Variants in ATXN7 observed in about 807,000 individuals in gnomAD.
ATXN7 encodes ataxin-7.
ATXN7 carries 12 observed loss-of-function variants against 70.5 expected under a neutral mutation model. The observed-to-expected ratio is 0.17, with a 90% CI of 0.11 to 0.28. ATXN7 has a LOEUF of 0.28. Among genes scored for constraint, ATXN7 ranks in the 10% least tolerant of loss-of-function variants. ATXN7 has a pLI of 1.00. For synonymous variants in ATXN7, 498 were observed against 448.7 expected (o/e 1.11, Z -1.39); for missense variants, 1,256 against 1,131.7 (o/e 1.11, Z -1.58).
chr3:63,868,579 G>A (rs1053662387), intron 1 of ATXN7, among the ~76,000 whole-genome samples: 1 of 152,144 alleles, frequency 6.6e-6, no homozygotes, highest in Non-Finnish European at 1.5e-5. Context: ...TCAAAAATGA[G>A]TTAGGATTGA....
At chr3:63,950,293 G>C (rs2074932452) in intron 4 of ATXN7, among the ~76,000 whole-genome samples, 1 of 152,148 alleles carries the variant, frequency 6.6e-6, no homozygotes. Flanking sequence ...AAGGGGTAGA[G>C]GGTTAGTCCA....
intron 1 of ATXN7, among the ~76,000 whole-genome samples, chr3:63,882,962 A>G (rs1275177959): frequency 6.6e-6 from 1 of 152,160 alleles, no homozygotes; most frequent in Non-Finnish European, 1.5e-5. Flanking sequence ...CCTGAGAAGT[A>G]GGTTTGATTA....
chr3:63,888,878 G>A (rs183192036), intron 1 of ATXN7, among the ~76,000 whole-genome samples: 18 of 152,048 alleles, frequency 1.2e-4, no homozygotes, highest in Non-Finnish European at 1.9e-4. Context: ...GCTGCTAATC[G>A]GTTCTCCAAC....
In ATXN7 at chr3:63,973,942, A is replaced by G. The variant is rs552744497; in HGVS notation, c.500-5973A>G. Among the ~76,000 whole-genome samples the G allele has an allele frequency of 3.3e-5, 5 of 152,322 alleles. No individual in the cohort carries two copies. The East Asian group carries it at 9.7e-4, about 29-fold the overall frequency. On this transcript the variant is annotated intron_variant, in intron 5 of 12. Transcript: ENST00000674280. The stretch of plus-strand genomic sequence containing the variant: ...ACCAATTTGGAAAGGGTAAGTATAT[A>G]TAAAAATAGGTGAAGGGTGGGGACC...
intron 4 of ATXN7, among the ~76,000 whole-genome samples, chr3:63,947,382 T>A (rs964570511): frequency 3.3e-5 from 5 of 152,116 alleles, no homozygotes; most frequent in African/African-American, 1.2e-4. Context: ...CCCAGGAGTT[T>A]GAGACCATTC....
intron 2 of ATXN7, among the ~76,000 whole-genome samples, chr3:63,908,458 A>C (rs1395621134): frequency 6.6e-6 from 1 of 152,220 alleles, no homozygotes; most frequent in East Asian, 1.9e-4. Context: ...AAGCCAACAC[A>C]TTCCTAATTT....
intron 4 of ATXN7, among the ~76,000 whole-genome samples, chr3:63,936,122 C>A (rs555167862): frequency 2.6e-5 from 4 of 152,262 alleles, no homozygotes; most frequent in African/African-American, 9.6e-5. Context: ...GTAGAAAGTA[C>A]CTTAAACATA....
chr3:63,923,405 A>G lies in ATXN7; in HGVS notation c.394+10180A>G, dbSNP rs111282306. On this transcript the variant is annotated intron_variant, in intron 4 of 12. Coordinates refer to ENST00000674280, the MANE Select transcript of ATXN7 (RefSeq NM_001377405.1). ...TTCCAAGGACTGTTGAATGCTGTGA[A>G]GTCAAAAGTAGGGTAATGAGTTGGG... Among the ~76,000 whole-genome samples the G allele has an allele frequency of 5.5e-3, 825 of 149,186 alleles. 7 individuals are homozygous for G. Among genetic ancestry groups the G allele is most frequent in the Admixed American group, 0.01 (155 of 14,970 alleles).
At chr3:63,997,538 C>T in intron 12 of ATXN7, 1 of 1,183,358 alleles carries the variant, frequency 8.5e-7, no homozygotes, top group Non-Finnish European at 1.2e-6. Flanking sequence ...CTGCCTGTTA[C>T]TGACCTCACC....
chr3:63,870,713 C>A (rs762284339), intron 1 of ATXN7, among the ~76,000 whole-genome samples: 1 of 152,076 alleles, frequency 6.6e-6, no homozygotes, highest in African/African-American at 2.4e-5. Context: ...TCCTATTAAT[C>A]CTTCTTTGCC....
intron 1 of ATXN7, chr3:63,878,585 A>C (rs1702815672): frequency 1.3e-5 from 2 of 152,280 alleles, no homozygotes; most frequent in African/African-American, 2.4e-5. Context: ...GGCAGGAAAC[A>C]GAGTCCAACT....
chr3:63,948,483 A>G (rs1414748461), intron 4 of ATXN7, among the ~76,000 whole-genome samples: 3 of 152,116 alleles, frequency 2.0e-5, no homozygotes, highest in Admixed American at 1.3e-4. Flanking sequence ...GGCTGGAGAT[A>G]GAAACTTGTG....
intron 11 of ATXN7, among the ~76,000 whole-genome samples, chr3:63,993,830 G>A (rs2075711965): frequency 6.6e-6 from 1 of 152,142 alleles, no homozygotes; most frequent in Non-Finnish European, 1.5e-5. Context: ...CTCCCAGTGA[G>A]CAGTAGGGCC....
At chr3:63,967,638 C>A (rs756856118) in intron 5 of ATXN7, 9 of 522,844 alleles carry the variant, frequency 1.7e-5, no homozygotes, top group Admixed American at 9.2e-5. Context: ...CTTATAAATT[C>A]CATCTTCCCC....
chr3:63,990,398 G>C, intron 10 of ATXN7, 24 bp downstream of exon 10: 8 of 1,613,408 alleles, frequency 5.0e-6, no homozygotes, highest in Non-Finnish European at 6.8e-6. Context: ...CCACCCCCGC[G>C]TTGACCCTCC....
chr3:63,979,254 G>A (rs960277064), intron 5 of ATXN7, among the ~76,000 whole-genome samples: 1 of 152,130 alleles, frequency 6.6e-6, no homozygotes, highest in Non-Finnish European at 1.5e-5. Flanking sequence ...TTTGTCTTGC[G>A]CCTTTGGCAT....
Position 63,996,472 on chromosome 3 carries a change from C to G in ATXN7, c.2650C>G (p.Leu884Val), listed in dbSNP as rs1476319742. The change falls in exon 12 of 13, where the codon CTC (leucine) becomes GTC (valine). Residue 884 changes from leucine (L) to valine (V), a missense_variant. Physicochemically the swap from Leu to Val is conservative, Grantham distance 32 (BLOSUM62 1). Coordinates refer to ENST00000674280, the MANE Select transcript of ATXN7 (RefSeq NM_001377405.1). ...PGAQGLMNSS[L>V]LHQPKARP The stretch of plus-strand genomic sequence containing the variant: ...GGCACAAGGACTGATGAACAGTTCC[C>G]TCCTTCATCAGGTAGGAAATGGACT... The G allele has an allele frequency of 9.3e-6, 15 of 1,613,972 alleles. No homozygotes were observed. The African/African-American group carries it at 1.9e-4, about 20-fold the overall frequency.
At chr3:63,951,840 G>A (rs1213150210) in intron 4 of ATXN7, among the ~76,000 whole-genome samples, 1 of 152,162 alleles carries the variant, frequency 6.6e-6, no homozygotes, top group African/African-American at 2.4e-5. Context: ...CTTTCTGGTG[G>A]CATTAGTATG....
At chr3:63,974,109 C>G (rs564178660) in intron 5 of ATXN7, among the ~76,000 whole-genome samples, 28 of 151,984 alleles carry the variant, frequency 1.8e-4, no homozygotes, top group Non-Finnish European at 3.8e-4. Flanking sequence ...TCTTTCTAGG[C>G]ATTTGTCTGC....
Sources: allele counts gnomAD v4.1 joint callset (sites outside exome capture counted in the v4.1 genomes callset), GRCh38; gene constraint gnomAD v4.1.1; transcripts MANE v1.5; gene names NCBI Gene and HGNC (gene_info 2026-07-23, HGNC 2026-07-21).